The following PLAC1 variants were observed in gnomAD, a reference collection of about 807,000 sequenced individuals.
PLAC1 encodes placenta-specific protein 1.
For missense variants in PLAC1, 136 were observed against 163.2 expected, an observed-to-expected ratio of 0.83 and a Z score of 0.91; for synonymous variants, 68 against 62.1, an observed-to-expected ratio of 1.09 and a Z score of -0.44.
intron 2 of PLAC1, among the ~76,000 whole-genome samples, chrX:134,570,085 C>T (rs909060653): frequency 1.8e-5 from 2 of 111,765 alleles, no homozygotes; most frequent in African/African-American, 6.5e-5. Context: ...CTGCCTTGGC[C>T]TCCCAAAGTG....
At chrX:134,677,584 AG>A (rs1329293232) in intron 2 of PLAC1, among the ~76,000 whole-genome samples, 5 of 110,990 alleles carry the variant, frequency 4.5e-5, no homozygotes, top group Admixed American at 9.5e-5. Flanking sequence ...ACAAACTGGA[AG>A]GGTTTAAGGA....
intron 1 of PLAC1, among the ~76,000 whole-genome samples, chrX:134,649,208 T>C (rs759632393): frequency 3.1e-5 from 3 of 97,669 alleles, no homozygotes; most frequent in Non-Finnish European, 6.0e-5. Flanking sequence ...GAGGTTGCAG[T>C]GAGCAGAGAT....
chrX:134,649,708 A>G (rs758447238), intron 1 of PLAC1, among the ~76,000 whole-genome samples: 1 of 112,458 alleles, frequency 8.9e-6, no homozygotes, highest in South Asian at 3.7e-4. Context: ...GAGAAAAGCC[A>G]CTGTAAGGCC....
At chrX:134,703,446 G>C (rs191345455) in intron 2 of PLAC1, among the ~76,000 whole-genome samples, 1 of 111,500 alleles carries the variant, frequency 9.0e-6, no homozygotes, top group Admixed American at 9.5e-5. Flanking sequence ...ACATACAGAA[G>C]TTATCATTCA....
At chrX:134,743,756 A>T (rs185526403) in intron 1 of PLAC1, among the ~76,000 whole-genome samples, 1 of 111,845 alleles carries the variant, frequency 8.9e-6, no homozygotes, top group Admixed American at 9.5e-5. Context: ...TATTAAGACT[A>T]GGGTACTATC....
At chrX:134,724,783 A>AT (rs1453669009) in intron 2 of PLAC1, among the ~76,000 whole-genome samples, 1 of 111,941 alleles carries the variant, frequency 8.9e-6, no homozygotes, top group Non-Finnish European at 1.9e-5. Context: ...TGGGGGGATC[A>AT]TTTGAGCCCA....
intron 2 of PLAC1, among the ~76,000 whole-genome samples, chrX:134,593,566 T>A (rs1030909916): frequency 6.2e-5 from 7 of 112,379 alleles, no homozygotes; most frequent in African/African-American, 2.3e-4. Flanking sequence ...TTGAGTTAGA[T>A]ATTTGATTTC....
intron 2 of PLAC1, among the ~76,000 whole-genome samples, chrX:134,683,778 G>C (rs2078506566): frequency 8.9e-6 from 1 of 111,949 alleles, no homozygotes; most frequent in Non-Finnish European, 1.9e-5. Flanking sequence ...TCTGCTTCCG[G>C]AGCTGCCACA....
chrX:134,598,845 C>G (rs2078074266), intron 2 of PLAC1, among the ~76,000 whole-genome samples: 2 of 111,512 alleles, frequency 1.8e-5, no homozygotes, highest in Admixed American at 9.6e-5. Flanking sequence ...ATGAGTTTGA[C>G]TTTGTACCTG....
chrX:134,591,973 C>A (rs2078041053), intron 2 of PLAC1, among the ~76,000 whole-genome samples: 1 of 112,036 alleles, frequency 8.9e-6, no homozygotes, highest in Non-Finnish European at 1.9e-5. Flanking sequence ...ATGTCCTTTG[C>A]CCATTTTCTA....
upstream of PLAC1, among the ~76,000 whole-genome samples, chrX:134,660,850 T>C (rs916180823): frequency 1.2e-4 from 13 of 112,155 alleles, no homozygotes; most frequent in Non-Finnish European, 2.1e-4. Context: ...CTAGTCCTCA[T>C]GAGAGGAGTC....
chrX:134,624,735 G>C (rs1417820714), intron 1 of PLAC1, among the ~76,000 whole-genome samples: 1 of 111,625 alleles, frequency 9.0e-6, no homozygotes, highest in African/African-American at 3.3e-5. Context: ...CTTAATGGCT[G>C]TTTTCAAAGA....
At chrX:134,647,576 G>A (rs2078340859) in intron 1 of PLAC1, among the ~76,000 whole-genome samples, 1 of 109,883 alleles carries the variant, frequency 9.1e-6, no homozygotes, top group South Asian at 4.0e-4. Flanking sequence ...AACACCTGCT[G>A]GTTCCATCCC....
chrX:134,741,071 T>C (rs1419337643), intron 1 of PLAC1, among the ~76,000 whole-genome samples: 1 of 112,494 alleles, frequency 8.9e-6, no homozygotes, highest in Non-Finnish European at 1.9e-5. Context: ...GTATGTTCAT[T>C]TTGTAAAAAT....
chrX:134,677,790 G>T (rs2078480474), intron 2 of PLAC1, among the ~76,000 whole-genome samples: 1 of 111,760 alleles, frequency 8.9e-6, no homozygotes, highest in African/African-American at 3.3e-5. Context: ...GTTCGATTTG[G>T]CTCTTGTGTC....
intron 2 of PLAC1, among the ~76,000 whole-genome samples, chrX:134,597,840 G>A: frequency 9.0e-6 from 1 of 111,405 alleles, no homozygotes; most frequent in Non-Finnish European, 1.9e-5. Context: ...GAGAGAGTAG[G>A]CTTTTGTTGG....
In PLAC1 at chrX:134,688,333, G is replaced by A. The variant is rs187445377; in HGVS notation, n.174+45102C>T. Reference sequence around the variant, plus strand: ...CAGAGCAAATATTGTCCACTCTCCCGTTCTCACTTTGTCAAATTATGTGGT... The same window carrying A: ...CAGAGCAAATATTGTCCACTCTCCCATTCTCACTTTGTCAAATTATGTGGT... On this transcript the variant is annotated intron_variant and non_coding_transcript_variant, in intron 2 of 2. Coordinates refer to the PLAC1 transcript ENST00000466797. Among the ~76,000 whole-genome samples the A allele has an allele frequency of 2.2e-3, 251 of 111,949 alleles. 3 individuals carry two copies. Among genetic ancestry groups the A allele is most frequent in the Non-Finnish European group, 3.4e-3 (182 of 53,194 alleles).
intron 1 of PLAC1, among the ~76,000 whole-genome samples, chrX:134,641,294 G>A (rs2078306799): frequency 9.0e-6 from 1 of 111,114 alleles, no homozygotes; most frequent in Non-Finnish European, 1.9e-5. Flanking sequence ...AGAAAAGACT[G>A]AGATAGGCTG....
At chrX:134,695,544 G>C (rs2078560064) in intron 2 of PLAC1, among the ~76,000 whole-genome samples, 1 of 111,978 alleles carries the variant, frequency 8.9e-6, no homozygotes, top group Admixed American at 9.5e-5. Context: ...TGTATCTACA[G>C]ACTGCTTTCC....
Sources: gnomAD v4.1 joint callset for allele counts (sites outside exome capture counted in the v4.1 genomes callset) on GRCh38, gnomAD v4.1.1 for gene constraint, MANE v1.5 for transcripts, NCBI Gene and HGNC (gene_info 2026-07-23, HGNC 2026-07-21) for gene names.